The following ULK1 variants were observed in gnomAD, a reference collection of about 807,000 sequenced individuals.
ULK1 encodes serine/threonine-protein kinase ULK1.
ULK1 carries 48 observed loss-of-function variants against 117.5 expected under a neutral mutation model. The observed-to-expected ratio is 0.41, with a 90% confidence interval of 0.32 to 0.52. ULK1 has a LOEUF of 0.52. Ranked by LOEUF, ULK1 falls within the 20% of genes least tolerant of loss-of-function variation. The pLI, the probability that ULK1 is intolerant of heterozygous loss-of-function variation, is 0.29. For missense variants in ULK1, 1,387 were observed against 1,473.4 expected (o/e 0.94, Z 0.96); for synonymous variants, 790 against 637.8 (o/e 1.24, Z -3.60).
intron 22 of ULK1, among the ~76,000 whole-genome samples, chr12:131,918,134 C>T (rs1889945527): frequency 6.6e-6 from 1 of 152,130 alleles, no homozygotes; most frequent in Admixed American, 6.5e-5. Context: ...GGCCTTGGGC[C>T]CAGCTGTGGG....
At position 131,922,365 on chromosome 12, in the gene ULK1, C is replaced by T. The variant is rs1890187525; in HGVS notation, c.*1004C>T. 1 of 252,064 alleles carries T rather than the reference C, an allele frequency of 4.0e-6. No individual in the cohort carries two copies. Among genetic ancestry groups the T allele is most frequent in the South Asian group, 3.8e-5 (1 of 26,276 alleles). The allele number at this position is 252,064 out of a possible 1,614,324, so 15.6% of individuals were successfully genotyped here. A position where few individuals can be genotyped will look rare whatever the true frequency, so the allele number is the denominator to read the frequency against. On this transcript the variant is annotated 3_prime_UTR_variant, in exon 28 of 28. Transcript: ENST00000321867. Reference sequence around the variant, plus strand: ...GCAGGACAGGTGTGTGCCCAGCACCCTCCCTACCTGGGCCTGGAAGCAGAT... The same window carrying T: ...GCAGGACAGGTGTGTGCCCAGCACCTTCCCTACCTGGGCCTGGAAGCAGAT...
In ULK1 at chr12:131,919,488, G is replaced by A. The variant is rs1176096321; in HGVS notation, c.2701G>A (p.Val901Met). Residue 901 changes from valine (V) to methionine (M), a missense_variant, in exon 25 of 28, where the codon GTG becomes ATG. Val to Met is a conservative substitution (Grantham distance 21). Transcript: ENST00000321867. ...CGCCCCCAGCTTCGCGGAACAGCTG[G>A]TGCTGTACCTGAAGGTGGCCGAGCT... Reference protein sequence around the residue: ...SREWGFAEQLVLYLKVAELLS... With the variant: ...SREWGFAEQLMLYLKVAELLS... The A allele has an allele frequency of 1.9e-6, 3 of 1,611,570 alleles. No individual in the cohort carries two copies. The highest frequency in any genetic ancestry group is 2.7e-5 in the African/African-American group (2 of 74,918).
intron 12 of ULK1, 51 bp from the exon 13 acceptor site, chr12:131,911,891 G>A: frequency 6.2e-7 from 1 of 1,612,014 alleles, no homozygotes; most frequent in Non-Finnish European, 8.5e-7. Flanking sequence ...TTGCTCCCCT[G>A]AGTGTGTAGG....
intron 13 of ULK1, 97 bp from the exon 14 acceptor site, chr12:131,913,101 G>A: frequency 8.5e-7 from 1 of 1,178,058 alleles, no homozygotes. Context: ...CCTGCAAGGT[G>A]GAGTGTGCGT....
chr12:131,915,795 G>C, intron 18 of ULK1, 96 bp from the exon 19 acceptor site: 2 of 1,516,612 alleles, frequency 1.3e-6, no homozygotes, highest in Non-Finnish European at 1.8e-6. Flanking sequence ...TGGGGCCTTG[G>C]AGTGCGTCTA....
rs1889179004 is a variant in ULK1 at position 131,903,943 on chromosome 12, CA to C, written c.247-2948del. Among the ~76,000 whole-genome samples the C allele has an allele frequency of 6.6e-6, 1 of 152,052 alleles. No individual in the cohort carries two copies. The highest frequency in any genetic ancestry group is 1.5e-5 in the Non-Finnish European group (1 of 67,952). On this transcript the variant is annotated intron_variant, in intron 3 of 27. Transcript: ENST00000321867. This position sits in a 1 kb window ranked among gnomAD's most constrained non-coding sequence, Gnocchi z 6.0. ...GACATCTGTGACTCTGGGGCAAGGC[CA>C]GGGGTCTAGACGTGTCAGTAGCGAG...
Position 131,903,459 on chromosome 12 carries a change from G to C in ULK1, c.247-3433G>C, listed in dbSNP as rs1889161796. ...ATGGGAAGTGGGCTGGTTATGGCCT[G>C]CTGCCTGGGCTCCTGCAGGGCTGGT... On this transcript the variant is annotated intron_variant, in intron 3 of 27. Transcript: ENST00000321867. The surrounding 1 kb of genome is among the most constrained non-coding windows in gnomAD (Gnocchi z 6.0). Among the ~76,000 whole-genome samples the C allele has an allele frequency of 6.6e-6, 1 of 152,156 alleles. No homozygotes were observed. Among genetic ancestry groups the C allele is most frequent in the African/African-American group, 2.4e-5 (1 of 41,422 alleles).
At chr12:131,895,718 C>T (rs756239338) in intron 2 of ULK1, 25 bp downstream of exon 2, 6 of 1,611,350 alleles carry the variant, frequency 3.7e-6, no homozygotes, top group South Asian at 2.2e-5. Context: ...GGGGAGGGGG[C>T]GTGGGCGTGG....
chr12:131,902,387 G>A lies in ULK1; in HGVS notation c.247-4505G>A, dbSNP rs1325181584. Among the ~76,000 whole-genome samples the A allele has an allele frequency of 2.0e-5, 3 of 152,190 alleles. No individual in the cohort carries two copies. In the East Asian group the frequency reaches 5.8e-4, roughly 29 times the overall value. ...TTAAGTAAAGCACCTTAGCACCCCAGGGGTGGGGCAGCCTCCTACGTGCCC... is the reference window on the plus strand; with the variant it reads ...TTAAGTAAAGCACCTTAGCACCCCAAGGGTGGGGCAGCCTCCTACGTGCCC... On this transcript the variant is annotated intron_variant, in intron 3 of 27. Transcript: ENST00000321867. This position sits in a 1 kb window ranked among gnomAD's most constrained non-coding sequence, Gnocchi z 6.3.
Position 131,912,097 on chromosome 12 carries a change from G to A in ULK1, c.1096+8G>A. 6.2e-7 allele frequency: 1 copy of A among 1,609,350 alleles called. No individual in the cohort carries two copies. Among genetic ancestry groups the A allele is most frequent in the African/African-American group, 1.3e-5 (1 of 74,988 alleles). On this transcript the variant is annotated splice_region_variant and intron_variant, in intron 13 of 27. Transcript: ENST00000321867. ...TCCCCGCGCAGTTTCCAGGTCAGGGGGCACGCTGGGCTTGGAGGTGACGCC... is the reference window on the plus strand; with the variant it reads ...TCCCCGCGCAGTTTCCAGGTCAGGGAGCACGCTGGGCTTGGAGGTGACGCC...
chr12:131,901,491 TCCTC>T (rs1889088529), intron 3 of ULK1, among the ~76,000 whole-genome samples: 1 of 152,170 alleles, frequency 6.6e-6, no homozygotes, highest in South Asian at 2.1e-4. Flanking sequence ...CGGGCCGCTC[TCCTC>T]CCTCCTATCG....
At chr12:131,920,888 G>A (rs12297124) in intron 26 of ULK1, 8 of 642,584 alleles carry the variant, frequency 1.2e-5, no homozygotes, top group Middle Eastern at 4.3e-4. Context: ...GGCTGAGAGC[G>A]CTGGCCAGGG....
chr12:131,904,039 G>A (rs1012805935), intron 3 of ULK1, among the ~76,000 whole-genome samples: 1 of 152,120 alleles, frequency 6.6e-6, no homozygotes. Context: ...GGGTAGGGGT[G>A]TTGGGGACCC....
At chr12:131,919,797 G>A (rs1473810251) in intron 25 of ULK1, 182 bp from the exon 26 acceptor site, 29 of 1,059,508 alleles carry the variant, frequency 2.7e-5, no homozygotes, top group Middle Eastern at 3.1e-4. Flanking sequence ...CACAGAGGCC[G>A]TGGGGTCGGA....
At position 131,902,003 on chromosome 12, in the gene ULK1, C is replaced by A. The variant is rs1263808074; in HGVS notation, c.247-4889C>A. Among the ~76,000 whole-genome samples the A allele has an allele frequency of 6.6e-6, 1 of 152,168 alleles. No individual in the cohort carries two copies. Among genetic ancestry groups the A allele is most frequent in the Non-Finnish European group, 1.5e-5 (1 of 68,018 alleles). On this transcript the variant is annotated intron_variant, in intron 3 of 27. Transcript: ENST00000321867. This position sits in a 1 kb window ranked among gnomAD's most constrained non-coding sequence, Gnocchi z 6.3. ...TGCATCTAGGGACCTGCCTCAACCC[C>A]CTGCGGCTGGCTCCCGGATTGTCCA... is the stretch of plus-strand genomic sequence containing the variant.
chr12:131,909,678 TGG>T, intron 8 of ULK1, 95 bp from the exon 9 acceptor site: 1 of 1,307,850 alleles, frequency 7.6e-7, no homozygotes, highest in Non-Finnish European at 1.0e-6. Flanking sequence ...TCGCAGCGTC[TGG>T]GGCAGGGGCC....
chr12:131,916,484 C>A lies in ULK1; in HGVS notation c.1965C>A (p.Pro655=). 1 of 1,612,366 alleles carries A rather than the reference C, an allele frequency of 6.2e-7. No homozygotes were observed. The highest frequency in any genetic ancestry group is 8.5e-7 in the Non-Finnish European group (1 of 1,179,762). The change falls in exon 20 of 28, where the codon CCC becomes CCA. Residue 655 remains proline (P), a synonymous_variant. Coordinates refer to ENST00000321867, the MANE Select transcript of ULK1 (RefSeq NM_003565.4). ...CCCGGCAGGGCGTGGTGATGACGCC[C>A]CCTCGAAACCGGACGCTGCCCGACC... ...LLARQGVVMT[P]PRNRTLPDLS... is the part of the protein sequence containing the mutation.
At position 131,895,646 on chromosome 12, in the gene ULK1, C is replaced by T; in HGVS notation, c.157C>T (p.Leu53Phe). The change falls in exon 2 of 28, where the codon CTC becomes TTC. Residue 53 changes from leucine (L) to phenylalanine (F), a missense_variant. Physicochemically the swap from Leu to Phe is conservative, Grantham distance 22. This residue lies in a region of ULK1 where 224 missense variants were observed against 325.2 expected (regional missense o/e 0.69). Coordinates refer to ENST00000321867, the MANE Select transcript of ULK1 (RefSeq NM_003565.4). Reference sequence around the variant, plus strand: ...CGTCAAGTGCATTAACAAGAAGAACCTCGCCAAGTCTCAGACGCTGCTGGG... The same window carrying T: ...CGTCAAGTGCATTAACAAGAAGAACTTCGCCAAGTCTCAGACGCTGCTGGG... Reference protein sequence around the residue: ...VAVKCINKKNLAKSQTLLGKE... With the variant: ...VAVKCINKKNFAKSQTLLGKE... The T allele has an allele frequency of 6.2e-7, 1 of 1,614,112 alleles. No homozygotes were observed. Among genetic ancestry groups the T allele is most frequent in the Non-Finnish European group, 8.5e-7 (1 of 1,179,994 alleles).
intron 3 of ULK1, among the ~76,000 whole-genome samples, chr12:131,899,542 G>T (rs773087784): frequency 2.6e-5 from 4 of 151,708 alleles, no homozygotes; most frequent in African/African-American, 9.7e-5. Flanking sequence ...CCAGGCTGGA[G>T]TGCAGTGGCA....
Sources: gnomAD v4.1 joint callset for allele counts (sites outside exome capture counted in the v4.1 genomes callset) on GRCh38, gnomAD v4.1.1 for gene constraint, gnomAD v4.1.1 regional missense constraint, Gnocchi (gnomAD v3.1) non-coding constraint, MANE v1.5 for transcripts, NCBI Gene and HGNC (gene_info 2026-07-23, HGNC 2026-07-21) for gene names.